The following SLC39A3 variants were observed in gnomAD, a reference collection of about 807,000 sequenced individuals.
SLC39A3 encodes solute carrier family 39 member 3.
SLC39A3 carries 3 observed loss-of-function variants against 5.1 expected under a neutral mutation model. That is an observed-to-expected ratio of 0.59 (90% CI 0.27 to 1.54). The LOEUF is 1.54. Among genes scored for constraint, SLC39A3 ranks in the 40% most tolerant of loss-of-function variants. The pLI, the probability that SLC39A3 is intolerant of heterozygous loss-of-function variation, is 0.12. For missense variants in SLC39A3, 412 were observed against 436.4 expected, an observed-to-expected ratio of 0.94 and a Z score of 0.50; for synonymous variants, 250 against 218.8, an observed-to-expected ratio of 1.14 and a Z score of -1.26.
chr19:2,737,233 T>G lies in SLC39A3; in HGVS notation c.25A>C (p.Ile9Leu). Residue 9 changes from isoleucine to leucine, a missense_variant, in exon 2 of 3, where the codon ATC (isoleucine) becomes CTC (leucine). Transcript: ENST00000269740. ...AAGAACACGCCCACCATGCACAGGA[T>G]TTTGGCCACTAGCAATTTCACCATG... is the stretch of plus-strand genomic sequence containing the variant. Reference protein sequence around the residue: MVKLLVAKILCMVGVFFFM... With the variant: MVKLLVAKLLCMVGVFFFM... 2 of 1,613,740 alleles carry G rather than the reference T, an allele frequency of 1.2e-6. No homozygotes were observed.
intron 2 of SLC39A3, chr19:2,736,773 C>T (rs1599485887): frequency 1.4e-6 from 2 of 1,441,372 alleles, no homozygotes; most frequent in East Asian, 2.5e-5. Flanking sequence ...AGAGTGTGCC[C>T]TACCTAGGTG....
intron 1 of SLC39A3, among the ~76,000 whole-genome samples, chr19:2,739,179 C>A (rs374435302): frequency 2.6e-5 from 4 of 151,908 alleles, no homozygotes; most frequent in East Asian, 3.9e-4. Flanking sequence ...TCCCTGTACC[C>A]GCCGGAAGGC....
rs1205100946 is a variant in SLC39A3, at chr19:2,734,708, G to C, written c.211-1223C>G. On this transcript the variant is annotated intron_variant, in intron 2 of 2. Coordinates refer to ENST00000269740, the MANE Select transcript of SLC39A3 (RefSeq NM_144564.5). The surrounding 1 kb of genome is among the most constrained non-coding windows in gnomAD (Gnocchi z 4.6). ...ATCGTGACAACCACAATGTCCCCAG[G>C]CATCGCCCAGTGTTCCCTGGGGGCA... is the stretch of plus-strand genomic sequence containing the variant. The C allele has an allele frequency of 1.5e-5, 15 of 982,996 alleles. No homozygotes were observed. The highest frequency in any genetic ancestry group is 5.2e-4 in the Middle Eastern group (1 of 1,912). 60.9% of individuals were successfully genotyped at this position (982,996 alleles called of 1,614,324 possible).
chr19:2,736,662 C>T (rs1406510579), intron 2 of SLC39A3: 6 of 1,196,120 alleles, frequency 5.0e-6, no homozygotes, highest in South Asian at 1.9e-5. Flanking sequence ...AGATGATAAA[C>T]GTCTGTAGTC....
chr19:2,737,491 C>T (rs1181330387), intron 1 of SLC39A3, 112 bp from the exon 2 acceptor site: 3 of 633,594 alleles, frequency 4.7e-6, no homozygotes, highest in East Asian at 3.4e-5. Context: ...TCTCCGCTCA[C>T]TGCAACCTCC....
rs980146184 is a variant in SLC39A3, at chr19:2,733,405, C to A, written c.291G>T (p.Met97Ile). 4 of 1,612,948 alleles carry A rather than the reference C, an allele frequency of 2.5e-6. No homozygotes were observed. Among genetic ancestry groups the A allele is most frequent in the Non-Finnish European group, 3.4e-6 (4 of 1,180,022 alleles). The change falls in exon 3 of 3, where the codon ATG becomes ATT. Residue 97 changes from methionine (M) to isoleucine (I), a missense_variant. Physicochemically the swap from Met to Ile is conservative, Grantham distance 10 (BLOSUM62 1). Coordinates refer to ENST00000269740, the MANE Select transcript of SLC39A3 (RefSeq NM_144564.5). The surrounding 1 kb of genome is among the most constrained non-coding windows in gnomAD (Gnocchi z 6.1). ...GGATCAGCTGCTCCAGGAAGACGGT[C>A]ATGAAGAAGCCCAGCAGGAGGATGG... ...AETILLLGFF[M>I]TVFLEQLILT...
intron 1 of SLC39A3, chr19:2,737,833 C>T (rs1206895462): frequency 6.5e-6 from 1 of 152,812 alleles, no homozygotes. Context: ...ATAACTATTC[C>T]ATTAGTTCTG....
At chr19:2,739,245 C>A (rs1287659827) in intron 1 of SLC39A3, among the ~76,000 whole-genome samples, 1 of 152,066 alleles carries the variant, frequency 6.6e-6, no homozygotes, top group Non-Finnish European at 1.5e-5. Flanking sequence ...CGAGGGGAAG[C>A]GTGTGGCCAC....
At chr19:2,739,098 TC>T (rs1914470709) in intron 1 of SLC39A3, among the ~76,000 whole-genome samples, 1 of 36,202 alleles carries the variant, frequency 2.8e-5, no homozygotes, top group Admixed American at 3.6e-4. Flanking sequence ...AGACTCCGTC[TC>T]AAAAAAAAAA....
intron 2 of SLC39A3, chr19:2,736,005 A>C: frequency 1.0e-6 from 1 of 985,456 alleles, no homozygotes; most frequent in Non-Finnish European, 1.2e-6. Flanking sequence ...TAACCAACAC[A>C]AATTCAATGT....
Position 2,733,508 on chromosome 19 carries a change from G to A in SLC39A3, c.211-23C>T, listed in dbSNP as rs371649826. 5 of 1,589,976 alleles carry A rather than the reference G, an allele frequency of 3.1e-6. No individual in the cohort carries two copies. In the African/African-American group the frequency reaches 5.4e-5, roughly 17 times the overall value. On this transcript the variant is annotated intron_variant, in intron 2 of 2. Coordinates refer to ENST00000269740, the MANE Select transcript of SLC39A3 (RefSeq NM_144564.5). The surrounding 1 kb of genome is among the most constrained non-coding windows in gnomAD (Gnocchi z 6.1). ...GAGCTGCAGCCGGGGACACCCGAGA[G>A]AGAGAGAGAGACCCACGCTCAGGGG...
At chr19:2,736,931 C>T (rs1251853626) in intron 2 of SLC39A3, 117 bp downstream of exon 2, 1 of 1,550,056 alleles carries the variant, frequency 6.5e-7, no homozygotes, top group African/African-American at 1.4e-5. Context: ...TTCCTACTTT[C>T]CGTCACCCTT....
In SLC39A3 at chr19:2,733,136, G is replaced by T; in HGVS notation, c.560C>A (p.Ala187Asp). Reference sequence around the variant, plus strand: ...CTCCCCCTCCTCCTGCAGGCCCAGGGCCAGGCCCTCAAAGACCGAGTGGGC... The same window carrying T: ...CTCCCCCTCCTCCTGCAGGCCCAGGTCCAGGCCCTCAAAGACCGAGTGGGC... ...LSAHSVFEGL[A>D]LGLQEEGEKV... Residue 187 changes from alanine to aspartate, a missense_variant, in exon 3 of 3, where the codon GCC becomes GAC. By Grantham distance (126) the Ala-to-Asp change is moderately radical (BLOSUM62 -2). Transcript: ENST00000269740. This position sits in a 1 kb window ranked among gnomAD's most constrained non-coding sequence, Gnocchi z 6.1. 6.2e-7 allele frequency: 1 copy of T among 1,611,206 alleles called. No individual in the cohort carries two copies. The highest frequency in any genetic ancestry group is 1.3e-5 in the African/African-American group (1 of 74,952).
In SLC39A3 at chr19:2,735,743, T is replaced by C; in HGVS notation, c.210+1305A>G. The C allele has an allele frequency of 2.8e-6, 2 of 722,216 alleles. No homozygotes were observed. Among genetic ancestry groups the C allele is most frequent in the South Asian group, 1.2e-4 (2 of 16,024 alleles). The allele number at this position is 722,216 out of a possible 1,614,324, so 44.7% of individuals were successfully genotyped here. A position where few individuals can be genotyped will look rare whatever the true frequency, so the allele number is the denominator to read the frequency against. Reference sequence around the variant, plus strand: ...GTGACACGCACGGCAGTCCCAGCCCTACCCACACTCGAGGGGAGGGAAGAG... The same window carrying C: ...GTGACACGCACGGCAGTCCCAGCCCCACCCACACTCGAGGGGAGGGAAGAG... On this transcript the variant is annotated intron_variant, in intron 2 of 2. Coordinates refer to ENST00000269740, the MANE Select transcript of SLC39A3 (RefSeq NM_144564.5). This position sits in a 1 kb window ranked among gnomAD's most constrained non-coding sequence, Gnocchi z 5.7.
At position 2,732,962 on chromosome 19, in the gene SLC39A3, C is replaced by T; in HGVS notation, c.734G>A (p.Gly245Asp). 1 of 1,604,482 alleles carries T rather than the reference C, an allele frequency of 6.2e-7. No individual in the cohort carries two copies. The highest frequency in any genetic ancestry group is 8.5e-7 in the Non-Finnish European group (1 of 1,175,056). Residue 245 changes from glycine to aspartate, a missense_variant, in exon 3 of 3, where the codon GGC becomes GAC. Physicochemically the swap from Gly to Asp is moderately conservative, Grantham distance 94. Coordinates refer to ENST00000269740, the MANE Select transcript of SLC39A3 (RefSeq NM_144564.5). ...TVSAMIPLGI[G>D]LGLGIESAQG... ...GGCGCTCTCAATGCCCAGGCCCAGG[C>T]CGATGCCCAGGGGGATCATGGCGCT...
chr19:2,739,241 G>A (rs1914475294), intron 1 of SLC39A3, among the ~76,000 whole-genome samples: 1 of 152,234 alleles, frequency 6.6e-6, no homozygotes, highest in East Asian at 1.9e-4. Flanking sequence ...TGGACGAGGG[G>A]AAGCGTGTGG....
At position 2,733,012 on chromosome 19, in the gene SLC39A3, G is replaced by C. The variant is rs777195462; in HGVS notation, c.684C>G (p.Asp228Glu). The C allele has an allele frequency of 1.9e-6, 3 of 1,600,036 alleles. No individual in the cohort carries two copies. The highest frequency in any genetic ancestry group is 1.7e-6 in the Non-Finnish European group (2 of 1,172,632). The change falls in exon 3 of 3, where the codon GAC becomes GAG. Residue 228 changes from aspartate to glutamate, a missense_variant. Transcript: ENST00000269740. This position sits in a 1 kb window ranked among gnomAD's most constrained non-coding sequence, Gnocchi z 6.1. ...TTACGGTGACCGCCAGCTTGGCCGC[G>C]TCCCGCAGGGGCATGGCACTCCGGG... ...SMARSAMPLR[D>E]AAKLAVTVSA...
At chr19:2,736,787 A>G in intron 2 of SLC39A3, 1 of 1,447,978 alleles carries the variant, frequency 6.9e-7, no homozygotes, top group Non-Finnish European at 9.1e-7. Flanking sequence ...CTAGGTGGGT[A>G]GTCTGGTCTG....
chr19:2,739,775 G>A (rs945201920), intron 1 of SLC39A3, among the ~76,000 whole-genome samples, 170 bp downstream of exon 1: 1 of 152,332 alleles, frequency 6.6e-6, no homozygotes, highest in East Asian at 1.9e-4. Context: ...GATGAGGAGG[G>A]CACGGGCTCA....
Sources: gnomAD v4.1 joint callset for allele counts (sites outside exome capture counted in the v4.1 genomes callset) on GRCh38, gnomAD v4.1.1 for gene constraint, Gnocchi (gnomAD v3.1) non-coding constraint, MANE v1.5 for transcripts, NCBI Gene and HGNC (gene_info 2026-07-23, HGNC 2026-07-21) for gene names.